Variants in USP34 observed in about 807,000 individuals in gnomAD.
The protein encoded by USP34 is ubiquitin carboxyl-terminal hydrolase 34.
A neutral mutation model predicts 460.3 loss-of-function variants in USP34; 70 were observed. That is an observed-to-expected ratio of 0.15 (90% confidence interval 0.13 to 0.19). The LOEUF is 0.19. Ranked by LOEUF, USP34 falls within the 10% of genes least tolerant of loss-of-function variation. The probability of loss-of-function intolerance (pLI) is 1.00; values close to 1 mark genes in which losing one functional copy is unlikely to be tolerated. For synonymous variants in USP34, 1,647 were observed against 1,405.3 expected (o/e 1.17, Z -3.85); for missense variants, 3,985 against 4,236.2 (o/e 0.94, Z 1.65).
chr2:61,448,929 TG>T (rs1478157287), intron 1 of USP34, among the ~76,000 whole-genome samples: 4 of 152,132 alleles, frequency 2.6e-5, no homozygotes, highest in Non-Finnish European at 5.9e-5. Flanking sequence ...CCAAGGCAGG[TG>T]GATCACCTGA....
Position 61,290,254 on chromosome 2 carries a change from A to G in USP34, c.4549-1377T>C, listed in dbSNP as rs1163136951. Among the ~76,000 whole-genome samples the G allele has an allele frequency of 2.6e-5, 4 of 152,268 alleles. No individual in the cohort carries two copies. The South Asian group carries it at 6.2e-4, about 24-fold the overall frequency. ...ATGAAATTCTCGTATGTTGCATAGT[A>G]TAACTGTTCTGAAAAACAGTTTGGC... On this transcript the variant is annotated intron_variant, in intron 33 of 79. Coordinates refer to ENST00000398571, the MANE Select transcript of USP34 (RefSeq NM_014709.4).
intron 50 of USP34, among the ~76,000 whole-genome samples, chr2:61,245,665 C>G (rs1320588574): frequency 6.6e-6 from 1 of 151,878 alleles, no homozygotes; most frequent in African/African-American, 2.4e-5. Flanking sequence ...TGGAAACATT[C>G]AAATGGATAA....
intron 6 of USP34, among the ~76,000 whole-genome samples, chr2:61,382,894 A>T (rs1337779253): frequency 2.0e-5 from 3 of 152,088 alleles, no homozygotes; most frequent in Admixed American, 1.3e-4. Flanking sequence ...ATTATCATTT[A>T]CTTCTTTTGT....
At chr2:61,364,138 G>A (rs548384694) in intron 10 of USP34, among the ~76,000 whole-genome samples, 8 of 152,350 alleles carry the variant, frequency 5.3e-5, no homozygotes, top group South Asian at 4.1e-4. Context: ...CACTTTGGGA[G>A]ACCAAGGCAG....
intron 19 of USP34, among the ~76,000 whole-genome samples, chr2:61,333,581 T>C (rs905718391): frequency 2.6e-5 from 4 of 152,126 alleles, no homozygotes; most frequent in African/African-American, 7.2e-5. Flanking sequence ...TTTACTTTAG[T>C]GTGGCTCTTC....
chr2:61,204,242 G>T lies in USP34; in HGVS notation c.9384+14C>A. 6.2e-7 allele frequency: 1 copy of T among 1,613,886 alleles called. No homozygotes were observed. The highest frequency in any genetic ancestry group is 8.5e-7 in the Non-Finnish European group (1 of 1,179,940). ...TACTATAGCAACATGGATTTTCCTG[G>T]CATCCCAACATACCTTACTGGTTTC... On this transcript the variant is annotated intron_variant, in intron 74 of 79. Coordinates refer to ENST00000398571, the MANE Select transcript of USP34 (RefSeq NM_014709.4).
intron 2 of USP34, 89 bp from the exon 3 acceptor site, chr2:61,406,217 G>C (rs1693865744): frequency 8.7e-7 from 1 of 1,142,936 alleles, no homozygotes; most frequent in African/African-American, 1.6e-5. Flanking sequence ...CAAATACTAA[G>C]TTATTTCTAG....
At chr2:61,280,152 C>T in intron 39 of USP34, 92 bp downstream of exon 39, 3 of 681,108 alleles carry the variant, frequency 4.4e-6, no homozygotes, top group South Asian at 3.4e-5. Flanking sequence ...TAATGAAGTA[C>T]ACTTAATAAC....
chr2:61,329,375 C>T (rs1326856017), intron 20 of USP34, among the ~76,000 whole-genome samples: 1 of 151,922 alleles, frequency 6.6e-6, no homozygotes, highest in Non-Finnish European at 1.5e-5. Flanking sequence ...TTCAAGAGGC[C>T]ACCATTATCG....
chr2:61,230,198 C>A (rs1687851216), intron 58 of USP34, among the ~76,000 whole-genome samples: 1 of 152,142 alleles, frequency 6.6e-6, no homozygotes, highest in African/African-American at 2.4e-5. Context: ...ACTTATATAT[C>A]ACTGGCAAGA....
At chr2:61,470,590 G>T in intron 1 of USP34, 60 bp downstream of exon 1, 2 of 1,253,358 alleles carry the variant, frequency 1.6e-6, no homozygotes, top group Non-Finnish European at 1.1e-6. Context: ...GGGGAGGCCA[G>T]AGAGCTGCGC....
At chr2:61,322,260 A>G (rs1029110007) in intron 21 of USP34, among the ~76,000 whole-genome samples, 1 of 152,132 alleles carries the variant, frequency 6.6e-6, no homozygotes, top group East Asian at 1.9e-4. Flanking sequence ...GAAAAAAAGA[A>G]AAAAGGACCC....
chr2:61,421,370 T>C (rs1694351060), intron 1 of USP34, among the ~76,000 whole-genome samples: 1 of 152,178 alleles, frequency 6.6e-6, no homozygotes. Flanking sequence ...CACACGGCGT[T>C]CCTCTTTTGA....
chr2:61,452,782 G>A (rs961993380), intron 1 of USP34, among the ~76,000 whole-genome samples: 1 of 151,488 alleles, frequency 6.6e-6, no homozygotes, highest in Admixed American at 6.6e-5. Flanking sequence ...GCAGTCAGGA[G>A]GCTGACATAA....
At chr2:61,421,797 A>AGTG (rs1694366032) in intron 1 of USP34, among the ~76,000 whole-genome samples, 4 of 147,396 alleles carry the variant, frequency 2.7e-5, no homozygotes, top group African/African-American at 1.0e-4. Flanking sequence ...ACACACACAC[A>AGTG]CGCGCGCGCG....
intron 3 of USP34, among the ~76,000 whole-genome samples, chr2:61,403,259 G>T (rs771181806): frequency 1.6e-4 from 25 of 152,052 alleles, no homozygotes; most frequent in Non-Finnish European, 3.1e-4. Flanking sequence ...TACATTTAGA[G>T]ATTACCATTT....
chr2:61,237,554 ATTTTTTTTTTTTT>A (rs71403400), intron 53 of USP34, among the ~76,000 whole-genome samples: 828 of 45,224 alleles, frequency 0.018, 29 homozygotes, highest in African/African-American at 0.059. Context: ...TTTTCTGTGG[ATTTTTTTTTTTTT>A]TTTTTTTTTT....
intron 15 of USP34, among the ~76,000 whole-genome samples, chr2:61,345,358 G>C (rs1691736564): frequency 6.6e-6 from 1 of 151,896 alleles, no homozygotes; most frequent in Non-Finnish European, 1.5e-5. Context: ...TCAGTGCTAA[G>C]AATTAAAAAG....
Position 61,236,188 on chromosome 2 carries a change from A to G in USP34, c.6891T>C (p.Pro2297=). Residue 2297 remains proline, a synonymous_variant, in exon 55 of 80, where the codon CCT becomes CCC. Transcript: ENST00000398571. ...CSCIPSTLPD[P]KAVSLMTAKL... ...TTGCTGTCATTAAGGACACAGCTTT[A>G]GGATCTGGTAATGTACTGGGAATAC... 1 of 1,611,968 alleles carries G rather than the reference A, an allele frequency of 6.2e-7. No individual in the cohort carries two copies. Among genetic ancestry groups the G allele is most frequent in the Non-Finnish European group, 8.5e-7 (1 of 1,179,212 alleles).
Sources: allele counts gnomAD v4.1 joint callset (sites outside exome capture counted in the v4.1 genomes callset), GRCh38; gene constraint gnomAD v4.1.1; transcripts MANE v1.5; gene names NCBI Gene and HGNC (gene_info 2026-07-23, HGNC 2026-07-21).